Variants in PTPRM observed in about 807,000 individuals in gnomAD.
The protein encoded by PTPRM is protein tyrosine phosphatase receptor type M.
A neutral mutation model predicts 186.7 loss-of-function variants in PTPRM; 47 were observed. That is an observed-to-expected ratio of 0.25 (90% CI 0.20 to 0.32). PTPRM has a LOEUF of 0.32. Among genes scored for constraint, PTPRM ranks in the 10% least tolerant of loss-of-function variants. The pLI is 1.00. For synonymous variants in PTPRM, 668 were observed against 674.9 expected (o/e 0.99, Z 0.16); for missense variants, 1,494 against 1,865.0 (o/e 0.80, Z 3.66).
intron 14 of PTPRM, among the ~76,000 whole-genome samples, chr18:8,151,359 A>T (rs1366710955): frequency 6.6e-6 from 1 of 151,624 alleles, no homozygotes; most frequent in Non-Finnish European, 1.5e-5. Flanking sequence ...GTCTGACCAC[A>T]GTGGCCTTGC....
chr18:8,152,085 G>A lies in PTPRM; in HGVS notation c.2300+8306G>A, dbSNP rs989605300. Among the ~76,000 whole-genome samples the A allele has an allele frequency of 1.3e-4, 14 of 111,416 alleles. No homozygotes were observed. In the South Asian group the frequency reaches 1.8e-3, roughly 14 times the overall value. 73.1% of individuals were successfully genotyped at this position (111,416 alleles called of 152,430 possible). A position where few individuals can be genotyped will look rare whatever the true frequency, so the allele number is the denominator to read the frequency against. On this transcript the variant is annotated intron_variant, in intron 14 of 32. Transcript: ENST00000580170. ...TTGATCTCGCTGGGAGCTGCAGACC[G>A]GAGCTGTTCCTATTCAGCCATCTTG...
chr18:7,864,571 C>T (rs912164561), intron 2 of PTPRM, among the ~76,000 whole-genome samples: 1 of 152,140 alleles, frequency 6.6e-6, no homozygotes, highest in Non-Finnish European at 1.5e-5. Context: ...TGTTTTGGTA[C>T]CAGTACCATG....
chr18:7,597,394 G>A (rs753236517), intron 1 of PTPRM, among the ~76,000 whole-genome samples: 1 of 152,032 alleles, frequency 6.6e-6, no homozygotes, highest in Non-Finnish European at 1.5e-5. Flanking sequence ...TTTACCTTTC[G>A]GATCAATATT....
intron 14 of PTPRM, among the ~76,000 whole-genome samples, chr18:8,233,368 ATGTGTGGTGGTATCTTG>A (rs2094309683): frequency 6.6e-6 from 1 of 152,166 alleles, no homozygotes; most frequent in Admixed American, 6.5e-5. Context: ...CTTATAACAG[ATGTGTGGTGGTATCTTG>A]TTGTTCTGAT....
intron 1 of PTPRM, among the ~76,000 whole-genome samples, chr18:7,570,854 A>G (rs1483000979): frequency 6.6e-6 from 1 of 152,182 alleles, no homozygotes; most frequent in African/African-American, 2.4e-5. Context: ...CAGAAATAGA[A>G]TGCTAAACTT....
At chr18:7,677,583 C>T (rs988184927) in intron 1 of PTPRM, among the ~76,000 whole-genome samples, 2 of 152,106 alleles carry the variant, frequency 1.3e-5, no homozygotes, top group Admixed American at 6.6e-5. Flanking sequence ...TCTTGGTACA[C>T]GTGGCTGGGC....
chr18:7,856,951 G>A (rs185717101), intron 2 of PTPRM, among the ~76,000 whole-genome samples: 22 of 152,278 alleles, frequency 1.4e-4, no homozygotes, highest in Admixed American at 1.4e-3. Flanking sequence ...ATTATCTCCT[G>A]GCTGATGTCT....
chr18:8,275,569 C>G (rs1476022356), intron 19 of PTPRM, among the ~76,000 whole-genome samples: 5 of 152,182 alleles, frequency 3.3e-5, no homozygotes, highest in Admixed American at 6.5e-5. Flanking sequence ...AAATCTCAAG[C>G]CTTTTCCTGG....
intron 22 of PTPRM, among the ~76,000 whole-genome samples, chr18:8,320,100 G>A (rs2095336384): frequency 6.6e-6 from 1 of 152,160 alleles, no homozygotes; most frequent in African/African-American, 2.4e-5. Context: ...AACAGCACAT[G>A]TTCTCCCCAT....
At chr18:8,070,057 C>G in intron 8 of PTPRM, 63 bp downstream of exon 8, 1 of 1,442,522 alleles carries the variant, frequency 6.9e-7, no homozygotes, top group Non-Finnish European at 9.4e-7. Context: ...ACTTTTGTTT[C>G]GAGATCTTTG....
chr18:7,944,145 C>T (rs1434404601), intron 5 of PTPRM, among the ~76,000 whole-genome samples: 1 of 151,944 alleles, frequency 6.6e-6, no homozygotes, highest in Non-Finnish European at 1.5e-5. Context: ...GATTTTTTTC[C>T]ACTGAGGCTG....
chr18:7,873,792 A>G (rs1228878448), intron 2 of PTPRM, among the ~76,000 whole-genome samples: 2 of 152,228 alleles, frequency 1.3e-5, no homozygotes, highest in Non-Finnish European at 2.9e-5. Flanking sequence ...ATGATCATTA[A>G]TAAATTAAAA....
At chr18:8,086,716 T>C (rs1427098406) in intron 10 of PTPRM, among the ~76,000 whole-genome samples, 1 of 152,142 alleles carries the variant, frequency 6.6e-6, no homozygotes, top group Non-Finnish European at 1.5e-5. Context: ...TGTTTTGTAT[T>C]AATAAAAGTT....
At chr18:8,314,941 A>G in intron 21 of PTPRM, 84 bp downstream of exon 21, 1 of 814,188 alleles carries the variant, frequency 1.2e-6, no homozygotes, top group Non-Finnish European at 1.9e-6. Flanking sequence ...CATGTATACA[A>G]TGCATAATGA....
chr18:7,788,574 A>G (rs960219452), intron 2 of PTPRM, among the ~76,000 whole-genome samples: 2 of 150,710 alleles, frequency 1.3e-5, no homozygotes, highest in Admixed American at 1.3e-4. Context: ...ATGATGAAAT[A>G]ATTCCAACCC....
At chr18:7,763,228 G>A (rs1181663048) in intron 1 of PTPRM, among the ~76,000 whole-genome samples, 24 of 152,168 alleles carry the variant, frequency 1.6e-4, no homozygotes, top group Admixed American at 1.6e-3. Flanking sequence ...TGATCTTTAA[G>A]CATGAAAATT....
chr18:7,616,191 C>G (rs1434019598), intron 1 of PTPRM, among the ~76,000 whole-genome samples: 1 of 152,160 alleles, frequency 6.6e-6, no homozygotes, highest in African/African-American at 2.4e-5. Context: ...GGGTCTCACT[C>G]TGTTGCCAAG....
At chr18:8,036,215 G>A (rs2086320505) in intron 7 of PTPRM, among the ~76,000 whole-genome samples, 1 of 152,208 alleles carries the variant, frequency 6.6e-6, no homozygotes, top group African/African-American at 2.4e-5. Flanking sequence ...TGGTTTCAAA[G>A]TAAAAATGAA....
At chr18:7,865,417 G>A (rs1408132248) in intron 2 of PTPRM, among the ~76,000 whole-genome samples, 1 of 152,134 alleles carries the variant, frequency 6.6e-6, no homozygotes, top group Non-Finnish European at 1.5e-5. Flanking sequence ...TTTGTCGAAG[G>A]CCTTTACTGC....
Sources: allele counts gnomAD v4.1 joint callset (sites outside exome capture counted in the v4.1 genomes callset), GRCh38; gene constraint gnomAD v4.1.1; transcripts MANE v1.5; gene names NCBI Gene and HGNC (gene_info 2026-07-23, HGNC 2026-07-21).